The following HMCN1 variants were observed in gnomAD, a reference collection of about 807,000 sequenced individuals.
The protein encoded by HMCN1 is hemicentin-1.
A neutral mutation model predicts 625.9 loss-of-function variants in HMCN1; 321 were observed. That is an observed-to-expected ratio of 0.51 (90% CI 0.47 to 0.56). The LOEUF (loss-of-function observed/expected upper bound fraction) is 0.56, where lower values mean the gene tolerates loss of function less well. Ranked by LOEUF, HMCN1 falls within the 20% of genes least tolerant of loss-of-function variation. The pLI is 0.00. For missense variants in HMCN1, 6,588 were observed against 6,887.3 expected, an observed-to-expected ratio of 0.96 and a Z score of 1.54; for synonymous variants, 2,425 against 2,417.6, an observed-to-expected ratio of 1.00 and a Z score of -0.09.
chr1:185,769,206 G>C (rs765089557), intron 1 of HMCN1, among the ~76,000 whole-genome samples: 2 of 152,040 alleles, frequency 1.3e-5, no homozygotes, highest in African/African-American at 4.8e-5. Flanking sequence ...CCAGCACTTC[G>C]GAAGGCTGAG....
At chr1:186,100,036 A>C (rs1335160135) in intron 68 of HMCN1, among the ~76,000 whole-genome samples, 1 of 152,028 alleles carries the variant, frequency 6.6e-6, no homozygotes, top group Non-Finnish European at 1.5e-5. Flanking sequence ...CTGTAAATGC[A>C]GGGGCCTGGT....
At chr1:186,103,724 A>T in intron 69 of HMCN1, 56 bp downstream of exon 69, 1 of 1,407,976 alleles carries the variant, frequency 7.1e-7, no homozygotes. Context: ...CTCACTTGCT[A>T]ATATATGAGA....
intron 91 of HMCN1, among the ~76,000 whole-genome samples, chr1:186,145,013 C>T (rs1650223492): frequency 6.6e-6 from 1 of 152,238 alleles, no homozygotes. Context: ...CAGCTCTCTG[C>T]CTTAGTGCCG....
intron 1 of HMCN1, among the ~76,000 whole-genome samples, chr1:185,831,957 A>G (rs1422543747): frequency 6.6e-6 from 1 of 152,236 alleles, no homozygotes; most frequent in Non-Finnish European, 1.5e-5. Context: ...TGTGACATCC[A>G]CAAAAGTACA....
chr1:185,777,431 G>A (rs1221091893), intron 1 of HMCN1, among the ~76,000 whole-genome samples: 2 of 151,886 alleles, frequency 1.3e-5, no homozygotes, highest in Admixed American at 6.6e-5. Context: ...GCACAACTGC[G>A]GTGCACTATG....
At chr1:185,853,123 G>T (rs1662262840) in intron 2 of HMCN1, among the ~76,000 whole-genome samples, 3 of 151,944 alleles carry the variant, frequency 2.0e-5, no homozygotes. Context: ...TATATAATTT[G>T]TATGTTACTT....
chr1:185,808,260 T>C (rs1213039217), intron 1 of HMCN1, among the ~76,000 whole-genome samples: 1 of 152,016 alleles, frequency 6.6e-6, no homozygotes, highest in Non-Finnish European at 1.5e-5. Context: ...GGCACGAGAA[T>C]CCCTTGAACC....
chr1:186,054,991 T>A (rs189878066), intron 44 of HMCN1, among the ~76,000 whole-genome samples: 1 of 152,136 alleles, frequency 6.6e-6, no homozygotes, highest in Admixed American at 6.6e-5. Flanking sequence ...CCAACTCATA[T>A]TGTAAAAGGG....
chr1:185,738,522 C>G (rs1024688509), intron 1 of HMCN1, among the ~76,000 whole-genome samples: 1 of 152,126 alleles, frequency 6.6e-6, no homozygotes, highest in African/African-American at 2.4e-5. Context: ...AAATAATATT[C>G]CATTGTATGA....
intron 1 of HMCN1, among the ~76,000 whole-genome samples, chr1:185,782,234 G>A (rs1017680055): frequency 6.6e-6 from 1 of 152,126 alleles, no homozygotes; most frequent in African/African-American, 2.4e-5. Context: ...TTGAGCCTAT[G>A]TGTTTCTCTG....
Position 185,922,259 on chromosome 1 carries a change from C to A in HMCN1, c.901-120C>A. 3.7e-6 allele frequency: 4 copies of A among 1,077,388 alleles called. No homozygotes were observed. The South Asian group carries it at 5.0e-5, about 14-fold the overall frequency. 66.7% of individuals were successfully genotyped at this position (1,077,388 alleles called of 1,614,324 possible). A position where few individuals can be genotyped will look rare whatever the true frequency, so the allele number is the denominator to read the frequency against. ...TTATGTTGAGAACATCAGATCAGAG[C>A]CTCAGTTTTTGGACATCGATCCTAA... On this transcript the variant is annotated intron_variant, in intron 6 of 106. Coordinates refer to ENST00000271588, the MANE Select transcript of HMCN1 (RefSeq NM_031935.3).
chr1:185,981,719 T>C (rs1353506819), intron 17 of HMCN1, among the ~76,000 whole-genome samples: 2 of 152,162 alleles, frequency 1.3e-5, no homozygotes, highest in Admixed American at 1.3e-4. Flanking sequence ...TAAAATCTCT[T>C]AGGGATTTTA....
At chr1:185,856,039 ACT>A (rs1662444320) in intron 2 of HMCN1, among the ~76,000 whole-genome samples, 1 of 152,160 alleles carries the variant, frequency 6.6e-6, no homozygotes, top group African/African-American at 2.4e-5. Context: ...TCACTGACGA[ACT>A]CTGTAATTAT....
chr1:185,978,172 C>T (rs1225108130), intron 16 of HMCN1, 191 bp downstream of exon 16: 3 of 549,002 alleles, frequency 5.5e-6, no homozygotes, highest in Non-Finnish European at 9.6e-6. Context: ...ATATTTTATT[C>T]AAATGTATGT....
Position 186,162,413 on chromosome 1 carries a change from A to C in HMCN1, c.15257-2698A>C, listed in dbSNP as rs370390924. On this transcript the variant is annotated intron_variant, in intron 97 of 106. Coordinates refer to ENST00000271588, the MANE Select transcript of HMCN1 (RefSeq NM_031935.3). ...GATCATCTGAAGCCTTCTTCTCTCA[A>C]CTCGTCAAAGTCATTCTCTGTCCAG... 1.1e-3 allele frequency among the ~76,000 whole-genome samples: 166 copies of C among 152,056 alleles called. 2 individuals are homozygous for C. The highest frequency in any genetic ancestry group is 5.6e-3 in the East Asian group (29 of 5,172).
At chr1:186,071,514 A>G (rs574490066) in intron 52 of HMCN1, among the ~76,000 whole-genome samples, 4 of 152,192 alleles carry the variant, frequency 2.6e-5, no homozygotes, top group Admixed American at 6.5e-5. Context: ...TTAACACCGT[A>G]CTTAATACAG....
rs774096593 is a variant in HMCN1, at chr1:185,928,674, AC to A, written c.1552+9del. Reference sequence around the variant, plus strand: ...ACATTTTTTGACGTATCAGGTAATTACCACTAATTTCTTTGCAGTTGCCCAA... The same window carrying A: ...ACATTTTTTGACGTATCAGGTAATTACACTAATTTCTTTGCAGTTGCCCAA... On this transcript the variant is annotated splice_region_variant and intron_variant, in intron 10 of 106. Coordinates refer to ENST00000271588, the MANE Select transcript of HMCN1 (RefSeq NM_031935.3). 11 of 1,612,952 alleles carry A rather than the reference AC, an allele frequency of 6.8e-6. No homozygotes were observed. Among genetic ancestry groups the A allele is most frequent in the African/African-American group, 1.3e-5 (1 of 74,898 alleles).
intron 11 of HMCN1, among the ~76,000 whole-genome samples, chr1:185,947,288 G>A (rs148961035): frequency 6.6e-6 from 1 of 152,272 alleles, no homozygotes; most frequent in East Asian, 1.9e-4. Context: ...TGCTAACTAC[G>A]TTTCACAATT....
chr1:185,915,243 G>A (rs1037016248), intron 6 of HMCN1, among the ~76,000 whole-genome samples: 1 of 152,044 alleles, frequency 6.6e-6, no homozygotes, highest in Non-Finnish European at 1.5e-5. Flanking sequence ...AAACAGAAGA[G>A]AAGATTGTTT....
Sources: allele counts gnomAD v4.1 joint callset (sites outside exome capture counted in the v4.1 genomes callset), GRCh38; gene constraint gnomAD v4.1.1; transcripts MANE v1.5; gene names NCBI Gene and HGNC (gene_info 2026-07-23, HGNC 2026-07-21).